Variants in SUSD1 observed in about 807,000 individuals in gnomAD.
SUSD1 encodes sushi domain-containing protein 1.
In SUSD1, 65 loss-of-function variants were observed where a neutral mutation model predicts 86.9. The observed-to-expected ratio is 0.75, with a 90% CI of 0.61 to 0.92. The LOEUF is 0.92. Ranked by LOEUF, SUSD1 falls within the 40% of genes least tolerant of loss-of-function variation. SUSD1 has a pLI of 0.00. For synonymous variants in SUSD1, 346 were observed against 350.0 expected (o/e 0.99, Z 0.13); for missense variants, 850 against 929.7 (o/e 0.91, Z 1.11).
chr9:112,101,922 T>A (rs1361961096), intron 9 of SUSD1, among the ~76,000 whole-genome samples: 1 of 152,228 alleles, frequency 6.6e-6, no homozygotes, highest in Non-Finnish European at 1.5e-5. Context: ...CTGTATTGTT[T>A]AATGCATTAA....
intron 12 of SUSD1, among the ~76,000 whole-genome samples, chr9:112,069,695 C>T (rs1365544799): frequency 2.0e-5 from 3 of 149,238 alleles, no homozygotes; most frequent in Non-Finnish European, 3.0e-5. Context: ...CACCCCGCCC[C>T]GCCCCCACCA....
chr9:112,135,776 G>T (rs981778846), intron 5 of SUSD1, among the ~76,000 whole-genome samples: 1 of 152,174 alleles, frequency 6.6e-6, no homozygotes, highest in African/African-American at 2.4e-5. Flanking sequence ...GCTCATGACC[G>T]TGACATTGAG....
At chr9:112,078,811 CT>C (rs71496739) in intron 11 of SUSD1, 87 bp from the exon 12 acceptor site, 78,410 of 634,314 alleles carry the variant, frequency 0.12, 3 homozygotes, top group South Asian at 0.15. Flanking sequence ...TTTTCTTTCT[CT>C]TTTTTTTTTT....
At chr9:112,062,191 A>G (rs10046809) in intron 13 of SUSD1, among the ~76,000 whole-genome samples, 58,846 of 151,948 alleles carry the variant, frequency 0.39, 12,280 homozygotes, top group African/African-American at 0.54. Flanking sequence ...CCCAAGATCA[A>G]CCTTACATAA....
Position 112,102,215 on chromosome 9 carries a change from G to T in SUSD1, c.1242C>A (p.Asn414Lys). 6.2e-7 allele frequency: 1 copy of T among 1,602,598 alleles called. No homozygotes were observed. The highest frequency in any genetic ancestry group is 8.5e-7 in the Non-Finnish European group (1 of 1,174,668). Residue 414 changes from asparagine to lysine, a missense_variant, in exon 9 of 17, where the codon AAC (asparagine) becomes AAA (lysine). Transcript: ENST00000374270. Reference protein sequence around the residue: ...SIFNETCLKLNRRSRKVGSEH... With the variant: ...SIFNETCLKLKRRSRKVGSEH... Reference sequence around the variant, plus strand: ...CTGATCCAACTTTCCTAGAACGCCTGTTCAATTTCAAACAAGTTTCATTAA... The same window carrying T: ...CTGATCCAACTTTCCTAGAACGCCTTTTCAATTTCAAACAAGTTTCATTAA...
At chr9:112,099,701 T>C (rs1367543733) in intron 9 of SUSD1, among the ~76,000 whole-genome samples, 1 of 152,216 alleles carries the variant, frequency 6.6e-6, no homozygotes, top group Non-Finnish European at 1.5e-5. Flanking sequence ...GGTGGAGACA[T>C]ATGCTCGGTG....
At chr9:112,161,279 C>A (rs537094623) in intron 1 of SUSD1, among the ~76,000 whole-genome samples, 7 of 151,526 alleles carry the variant, frequency 4.6e-5, no homozygotes, top group Non-Finnish European at 8.8e-5. Flanking sequence ...ACTCAGGAGG[C>A]TAAAGCAGGG....
chr9:112,117,395 G>C (rs1324725877), intron 6 of SUSD1, among the ~76,000 whole-genome samples: 1 of 152,178 alleles, frequency 6.6e-6, no homozygotes, highest in Non-Finnish European at 1.5e-5. Flanking sequence ...GTAGAACACA[G>C]AGGCCTCTCT....
chr9:112,158,101 G>T (rs1483898764), intron 1 of SUSD1, among the ~76,000 whole-genome samples: 1 of 151,826 alleles, frequency 6.6e-6, no homozygotes, highest in Non-Finnish European at 1.5e-5. Flanking sequence ...TGGGATTACA[G>T]GCGTGAGCCA....
At chr9:112,147,386 A>T (rs993520189) in intron 3 of SUSD1, among the ~76,000 whole-genome samples, 3 of 152,072 alleles carry the variant, frequency 2.0e-5, no homozygotes, top group African/African-American at 7.2e-5. Context: ...GGTGCCTGTA[A>T]TCCCAGCTAC....
At chr9:112,099,263 G>T (rs182138757) in intron 9 of SUSD1, among the ~76,000 whole-genome samples, 1 of 152,164 alleles carries the variant, frequency 6.6e-6, no homozygotes, top group Non-Finnish European at 1.5e-5. Context: ...GCCCAGGCTG[G>T]TCTCAAACTC....
At position 112,050,432 on chromosome 9, in the gene SUSD1, G is replaced by A. The variant is rs148250140; in HGVS notation, c.2149+1967C>T. On this transcript the variant is annotated intron_variant, in intron 15 of 16. Coordinates refer to ENST00000374270, the MANE Select transcript of SUSD1 (RefSeq NM_022486.5). ...AAGATCAGGAGAGAAGCAGACAAAT[G>A]GAGGAAGCCTAATTCCCCAGGCCCC... 4.7e-3 allele frequency among the ~76,000 whole-genome samples: 717 copies of A among 152,256 alleles called. 3 individuals are homozygous for A. Among genetic ancestry groups the A allele is most frequent in the African/African-American group, 0.017 (687 of 41,536 alleles).
At chr9:112,119,276 A>C (rs1831455333) in intron 6 of SUSD1, among the ~76,000 whole-genome samples, 2 of 152,218 alleles carry the variant, frequency 1.3e-5, no homozygotes, top group Admixed American at 1.3e-4. Context: ...GATGGTCCAA[A>C]CCTCATTCAC....
At chr9:112,163,937 G>A (rs1463422261) in intron 1 of SUSD1, among the ~76,000 whole-genome samples, 1 of 151,800 alleles carries the variant, frequency 6.6e-6, no homozygotes, top group Non-Finnish European at 1.5e-5. Context: ...GAAGGCAGAG[G>A]TTGCAGTGAG....
In SUSD1 at chr9:112,124,885, T is replaced by C. The variant is rs1346950232; in HGVS notation, c.707-449A>G. Among the ~76,000 whole-genome samples the C allele has an allele frequency of 3.9e-5, 6 of 152,322 alleles. No individual in the cohort carries two copies. The East Asian group carries it at 9.6e-4, about 24-fold the overall frequency. On this transcript the variant is annotated intron_variant, in intron 5 of 16. Transcript: ENST00000374270. Reference sequence around the variant, plus strand: ...TTATCTCCTAAGGATTCAACTTATATGCATCTTTCAAAGAAAAAAATCAGT... The same window carrying C: ...TTATCTCCTAAGGATTCAACTTATACGCATCTTTCAAAGAAAAAAATCAGT...
At chr9:112,161,757 G>C (rs1355360487) in intron 1 of SUSD1, among the ~76,000 whole-genome samples, 1 of 150,758 alleles carries the variant, frequency 6.6e-6, no homozygotes, top group Non-Finnish European at 1.5e-5. Flanking sequence ...GGGAGGCGGA[G>C]GTTGCAGTGA....
intron 5 of SUSD1, among the ~76,000 whole-genome samples, chr9:112,132,484 A>G (rs1186856250): frequency 6.6e-6 from 1 of 152,240 alleles, no homozygotes; most frequent in Non-Finnish European, 1.5e-5. Flanking sequence ...CCCAACAATA[A>G]CAGAAATAAG....
At chr9:112,093,398 G>A (rs1830278547) in intron 10 of SUSD1, among the ~76,000 whole-genome samples, 1 of 152,182 alleles carries the variant, frequency 6.6e-6, no homozygotes, top group Non-Finnish European at 1.5e-5. Flanking sequence ...CAAGAGGTAA[G>A]CACCCAGTGT....
In SUSD1 at chr9:112,051,407, T is replaced by C. The variant is rs1459263751; in HGVS notation, c.2149+992A>G. ...TTGTTAAGGGAAGAAGTTTTTCTTT[T>C]CTTTTTTTTTTTTTTTTTTTTTTTT... is the stretch of plus-strand genomic sequence containing the variant. On this transcript the variant is annotated intron_variant, in intron 15 of 16. Transcript: ENST00000374270. 4.7e-5 allele frequency among the ~76,000 whole-genome samples: 6 copies of C among 126,578 alleles called. No homozygotes were observed. The South Asian group carries it at 1.6e-3, about 34-fold the overall frequency. 83.0% of individuals were successfully genotyped at this position (126,578 alleles called of 152,430 possible).
Sources: gnomAD v4.1 joint callset for allele counts (sites outside exome capture counted in the v4.1 genomes callset) on GRCh38, gnomAD v4.1.1 for gene constraint, MANE v1.5 for transcripts, NCBI Gene and HGNC (gene_info 2026-07-23, HGNC 2026-07-21) for gene names.